MYO1F: variants seen among roughly 807,000 people sequenced by gnomAD.
MYO1F encodes unconventional myosin-If.
In MYO1F, 60 loss-of-function variants were observed where a neutral mutation model predicts 146.6. The ratio of observed to expected loss-of-function variants is 0.41; its 90% CI spans 0.33 to 0.51. The LOEUF is 0.51. MYO1F is among the 20% of genes least tolerant of loss of function. MYO1F has a pLI of 0.25. For synonymous variants in MYO1F, 602 were observed against 602.1 expected (o/e 1.00, Z 0.00); for missense variants, 1,274 against 1,534.3 (o/e 0.83, Z 2.83).
chr19:8,558,723 C>T (rs1346156356), intron 1 of MYO1F, among the ~76,000 whole-genome samples: 1 of 152,088 alleles, frequency 6.6e-6, no homozygotes, highest in Non-Finnish European at 1.5e-5. Context: ...AGATGTCTCT[C>T]CTCCTGGAAG....
rs374392403 is a variant in MYO1F at position 8,567,608 on chromosome 19, C to T, written c.3+9699G>A. Among the ~76,000 whole-genome samples, 42 of 152,370 alleles carry T rather than the reference C, an allele frequency of 2.8e-4. 2 individuals are homozygous for T. The South Asian group carries it at 7.9e-3, about 29-fold the overall frequency. On this transcript the variant is annotated intron_variant, in intron 1 of 27. Coordinates refer to ENST00000644032, the MANE Select transcript of MYO1F (RefSeq NM_012335.4). ...CCAACCTCAGGTGATCCTCCCACCT[C>T]GGCCTCGCAAAGTGCTGGGATTATA...
Position 8,521,624 on chromosome 19 carries a change from T to C in MYO1F, c.3221-20A>G, listed in dbSNP as rs1207781883. 9 of 1,613,128 alleles carry C rather than the reference T, an allele frequency of 5.6e-6. 1 individual carries two copies. The Admixed American group carries it at 1.0e-4, about 18-fold the overall frequency. ...AGGGATCTGTGGGAGAGAGGAAAGCTTGAGGTGCCCCTAGCTGGCCCTGGA... is the reference window on the plus strand; with the variant it reads ...AGGGATCTGTGGGAGAGAGGAAAGCCTGAGGTGCCCCTAGCTGGCCCTGGA... On this transcript the variant is annotated intron_variant, in intron 27 of 27. Transcript: ENST00000644032.
At chr19:8,524,934 T>C (rs1972203166) in intron 25 of MYO1F, among the ~76,000 whole-genome samples, 1 of 152,110 alleles carries the variant, frequency 6.6e-6, no homozygotes, top group Admixed American at 6.6e-5. Context: ...CCGTAGCTCA[T>C]GCTTGTTAAT....
At chr19:8,566,330 G>A (rs970219226) in intron 1 of MYO1F, among the ~76,000 whole-genome samples, 1 of 151,032 alleles carries the variant, frequency 6.6e-6, no homozygotes, top group African/African-American at 2.4e-5. Context: ...GCCATGCCCA[G>A]CTAATTTTTT....
intron 12 of MYO1F, chr19:8,547,719 G>C (rs1973429639): frequency 2.9e-6 from 1 of 348,476 alleles, no homozygotes; most frequent in Non-Finnish European, 5.5e-6. Context: ...TCTGCTTCTG[G>C]GGGAGGGGCA....
intron 19 of MYO1F, among the ~76,000 whole-genome samples, chr19:8,534,359 G>T (rs1021406924): frequency 1.8e-4 from 28 of 151,894 alleles, no homozygotes; most frequent in African/African-American, 6.5e-4. Context: ...CCAGGCTGGA[G>T]TGCAGTGGCG....
At chr19:8,541,583 C>T in intron 15 of MYO1F, 1 of 358,854 alleles carries the variant, frequency 2.8e-6, no homozygotes, top group Admixed American at 3.9e-5. Context: ...TGCGCGCCAC[C>T]ACGCCTAGGT....
intron 10 of MYO1F, among the ~76,000 whole-genome samples, chr19:8,549,097 T>C (rs1333762121): frequency 2.0e-5 from 3 of 149,158 alleles, no homozygotes; most frequent in African/African-American, 7.4e-5. Flanking sequence ...ATTACAGGCA[T>C]GCGCCACCAC....
intron 12 of MYO1F, among the ~76,000 whole-genome samples, chr19:8,546,056 CTTT>C (rs58638075): frequency 6.3e-5 from 6 of 94,938 alleles, no homozygotes; most frequent in African/African-American, 1.3e-4. Context: ...TATTTTGACT[CTTT>C]TTTTTTTTTT....
At chr19:8,536,900 A>C in intron 17 of MYO1F, 49 bp downstream of exon 17, 5 of 1,111,746 alleles carry the variant, frequency 4.5e-6, no homozygotes, top group Non-Finnish European at 4.9e-6. Context: ...TCTAGGGGTA[A>C]CTGCAGGGCC....
chr19:8,563,240 G>A (rs538769857), intron 1 of MYO1F, among the ~76,000 whole-genome samples: 16 of 150,832 alleles, frequency 1.1e-4, no homozygotes, highest in African/African-American at 3.9e-4. Context: ...TGATCCACCC[G>A]CCTCGGCCTC....
chr19:8,555,888 C>T (rs1973832025), intron 1 of MYO1F, 92 bp from the exon 2 acceptor site: 26 of 1,285,250 alleles, frequency 2.0e-5, no homozygotes, highest in Middle Eastern at 2.7e-4. Context: ...TCTGTCCCAC[C>T]TCCCCCGCCC....
intron 16 of MYO1F, among the ~76,000 whole-genome samples, chr19:8,537,588 T>C (rs1972782796): frequency 6.6e-6 from 1 of 152,098 alleles, no homozygotes; most frequent in Non-Finnish European, 1.5e-5. Flanking sequence ...ATTACAGGCA[T>C]GTGCCACCAC....
chr19:8,549,451 G>A (rs1462273404), intron 10 of MYO1F: 1 of 151,350 alleles, frequency 6.6e-6, no homozygotes, highest in African/African-American at 2.4e-5. Context: ...TTGTATTTTT[G>A]TAGAGACAGG....
intron 19 of MYO1F, among the ~76,000 whole-genome samples, chr19:8,533,036 T>C (rs901577158): frequency 6.6e-6 from 1 of 151,980 alleles, no homozygotes; most frequent in African/African-American, 2.4e-5. Flanking sequence ...AGAGCCTTGC[T>C]CCCTGCTCTG....
intron 8 of MYO1F, among the ~76,000 whole-genome samples, chr19:8,550,998 C>T (rs900655548): frequency 5.3e-5 from 8 of 150,374 alleles, no homozygotes; most frequent in Non-Finnish European, 1.2e-4. Context: ...TTCCTGCCTC[C>T]GCCTCCCGAG....
At chr19:8,547,990 C>CCCCCCCCCCCCCCGA in intron 12 of MYO1F, 46 bp downstream of exon 12, 4 of 1,112,566 alleles carry the variant, frequency 3.6e-6, no homozygotes, top group Non-Finnish European at 2.7e-6. Context: ...CCTTCCACCC[C>CCCCCCCCCCCCCCGA]ACCCCCACCC....
intron 25 of MYO1F, among the ~76,000 whole-genome samples, chr19:8,523,179 C>T (rs1047250326): frequency 2.0e-5 from 3 of 151,698 alleles, no homozygotes; most frequent in African/African-American, 7.3e-5. Flanking sequence ...CTACAGGCAC[C>T]TGCCACCACG....
At chr19:8,564,154 A>C (rs1018253773) in intron 1 of MYO1F, among the ~76,000 whole-genome samples, 3 of 151,536 alleles carry the variant, frequency 2.0e-5, no homozygotes, top group African/African-American at 7.3e-5. Context: ...GCCAAGGTGG[A>C]TGGATCACTT....
Sources: allele counts gnomAD v4.1 joint callset (sites outside exome capture counted in the v4.1 genomes callset), GRCh38; gene constraint gnomAD v4.1.1; transcripts MANE v1.5; gene names NCBI Gene and HGNC (gene_info 2026-07-23, HGNC 2026-07-21).